Variants in FAM120B observed in about 807,000 individuals in gnomAD.
FAM120B encodes the protein constitutive coactivator of peroxisome proliferator-activated receptor gamma.
In FAM120B, 83 loss-of-function variants were observed where a neutral mutation model predicts 96.3. That is an observed-to-expected ratio of 0.86 (90% CI 0.72 to 1.03). The LOEUF is 1.03. FAM120B is among the 50% of genes least tolerant of loss of function. The pLI, the probability that FAM120B is intolerant of heterozygous loss-of-function variation, is 0.00. For synonymous variants in FAM120B, 407 were observed against 402.7 expected, an observed-to-expected ratio of 1.01 and a Z score of -0.13; for missense variants, 1,027 against 1,121.2, an observed-to-expected ratio of 0.92 and a Z score of 1.20.
chr6:170,326,990 C>T (rs1419718865), intron 3 of FAM120B, among the ~76,000 whole-genome samples: 1 of 152,054 alleles, frequency 6.6e-6, no homozygotes, highest in African/African-American at 2.4e-5. Context: ...AGATATCCCC[C>T]ACGTCAGCCT....
intron 1 of FAM120B, among the ~76,000 whole-genome samples, chr6:170,310,839 C>T (rs1391329298): frequency 2.0e-5 from 3 of 152,230 alleles, no homozygotes; most frequent in Non-Finnish European, 2.9e-5. Context: ...TGCCTCCTTC[C>T]TCAGGGTTCA....
At chr6:170,369,098 A>T (rs981459359) in intron 6 of FAM120B, among the ~76,000 whole-genome samples, 1 of 152,244 alleles carries the variant, frequency 6.6e-6, no homozygotes, top group Admixed American at 6.5e-5. Context: ...GTAAACACAG[A>T]AGATGACTGA....
At chr6:170,379,124 C>T (rs141638134) in intron 6 of FAM120B, among the ~76,000 whole-genome samples, 121 of 152,320 alleles carry the variant, frequency 7.9e-4, no homozygotes, top group Non-Finnish European at 1.1e-3. Context: ...CCTGCTGGCT[C>T]TGTTAAAACT....
intron 1 of FAM120B, among the ~76,000 whole-genome samples, chr6:170,312,193 T>C (rs1049480095): frequency 6.6e-6 from 1 of 152,192 alleles, no homozygotes; most frequent in Admixed American, 6.5e-5. Context: ...ATATGTAAAA[T>C]GTTTAAAAAT....
At chr6:170,291,640 GC>G (rs1240200155), upstream of FAM120B, among the ~76,000 whole-genome samples, 1 of 152,226 alleles carries the variant, frequency 6.6e-6, no homozygotes, top group African/African-American at 2.4e-5. Flanking sequence ...GAGGTCCGAG[GC>G]GGGGACACCT....
upstream of FAM120B, among the ~76,000 whole-genome samples, chr6:170,292,057 A>G (rs1783890994): frequency 6.6e-6 from 1 of 152,180 alleles, no homozygotes; most frequent in South Asian, 2.1e-4. This position sits in a 1 kb window ranked among gnomAD's most constrained non-coding sequence, Gnocchi z 6.6. Context: ...TAATGCAGAC[A>G]GCACCTGCTC....
chr6:170,295,472 C>T lies in FAM120B; in HGVS notation c.48+19C>T, dbSNP rs995976688. ...GAAGGAGGTGAGCGCCGCCCGCGTGCACACAAGGCGCGCGGCCCCCAGGCA... is the reference window on the plus strand; with the variant it reads ...GAAGGAGGTGAGCGCCGCCCGCGTGTACACAAGGCGCGCGGCCCCCAGGCA... On this transcript the variant is annotated intron_variant, in intron 1 of 10. Coordinates refer to the FAM120B transcript ENST00000537664. The surrounding 1 kb of genome is among the most constrained non-coding windows in gnomAD (Gnocchi z 7.8). The T allele has an allele frequency of 3.0e-5, 21 of 698,502 alleles. No individual in the cohort carries two copies. In the Admixed American group the frequency reaches 4.2e-4, roughly 14 times the overall value. The allele number at this position is 698,502 out of a possible 1,614,324, so 43.3% of individuals were successfully genotyped here.
intron 6 of FAM120B, among the ~76,000 whole-genome samples, chr6:170,364,279 G>A (rs1460366026): frequency 6.6e-6 from 1 of 152,122 alleles, no homozygotes; most frequent in African/African-American, 2.4e-5. Context: ...TTGTTCAGCA[G>A]CACCTTTCAC....
chr6:170,354,033 T>G (rs1015328596), intron 5 of FAM120B, among the ~76,000 whole-genome samples: 1 of 152,246 alleles, frequency 6.6e-6, no homozygotes, highest in Admixed American at 6.5e-5. Flanking sequence ...TCTACAAGGC[T>G]ACCATAACCA....
intron 9 of FAM120B, among the ~76,000 whole-genome samples, chr6:170,400,719 C>G (rs1778527346): frequency 6.6e-6 from 1 of 152,240 alleles, no homozygotes; most frequent in Admixed American, 6.5e-5. Flanking sequence ...TTATGTCAAA[C>G]TATTTTGTTA....
intron 1 of FAM120B, among the ~76,000 whole-genome samples, chr6:170,311,938 C>G (rs1179724421): frequency 6.6e-6 from 1 of 152,178 alleles, no homozygotes; most frequent in African/African-American, 2.4e-5. Context: ...GATCAGAGGT[C>G]TAAGACTTAT....
At chr6:170,369,623 G>A (rs1406327140) in intron 6 of FAM120B, among the ~76,000 whole-genome samples, 1 of 151,536 alleles carries the variant, frequency 6.6e-6, no homozygotes, top group Non-Finnish European at 1.5e-5. Flanking sequence ...CCCCGGGGCT[G>A]AACCCGCCAC....
At chr6:170,399,127 G>A (rs1178426885) in intron 9 of FAM120B, among the ~76,000 whole-genome samples, 2 of 147,998 alleles carry the variant, frequency 1.4e-5, no homozygotes, top group Admixed American at 6.7e-5. Flanking sequence ...ACTCTTAGGA[G>A]TGAGTGAGAA....
At chr6:170,328,785 A>G (rs939292334) in intron 3 of FAM120B, among the ~76,000 whole-genome samples, 3 of 152,104 alleles carry the variant, frequency 2.0e-5, no homozygotes, top group Admixed American at 1.3e-4. Flanking sequence ...AGTTTTGCTT[A>G]TTCTCATGTC....
intron 2 of FAM120B, among the ~76,000 whole-genome samples, chr6:170,319,431 C>A (rs1785148996): frequency 6.6e-6 from 1 of 152,082 alleles, no homozygotes; most frequent in Non-Finnish European, 1.5e-5. Context: ...CTTTGGGAGG[C>A]CCAAAGCAGG....
chr6:170,303,922 G>A (rs1366286769), upstream of FAM120B, among the ~76,000 whole-genome samples: 1 of 152,040 alleles, frequency 6.6e-6, no homozygotes, highest in African/African-American at 2.4e-5. Context: ...TCCCTTTTAA[G>A]ATATTCATCC....
intron 4 of FAM120B, among the ~76,000 whole-genome samples, chr6:170,333,303 G>A (rs1030806112): frequency 1.3e-5 from 2 of 152,038 alleles, no homozygotes; most frequent in African/African-American, 4.8e-5. Context: ...CCGTGTGAAG[G>A]TGCCAATGTG....
At chr6:170,359,053 T>G (rs774950370) in intron 6 of FAM120B, among the ~76,000 whole-genome samples, 4 of 152,114 alleles carry the variant, frequency 2.6e-5, no homozygotes, top group African/African-American at 4.8e-5. Flanking sequence ...TTCGTTTTAC[T>G]TGTTTTTCTA....
chr6:170,404,178 A>G (rs2115351338), intron 9 of FAM120B: 2 of 189,910 alleles, frequency 1.1e-5, no homozygotes, highest in Non-Finnish European at 2.1e-5. Context: ...AGCCGCAGAA[A>G]GAGCTGCACG....
Sources: gnomAD v4.1 joint callset for allele counts (sites outside exome capture counted in the v4.1 genomes callset) on GRCh38, gnomAD v4.1.1 for gene constraint, Gnocchi (gnomAD v3.1) non-coding constraint, MANE v1.5 for transcripts, NCBI Gene and HGNC (gene_info 2026-07-23, HGNC 2026-07-21) for gene names.